Variants in TRRAP observed in about 807,000 individuals in gnomAD.
TRRAP encodes the protein transformation/transcription domain-associated protein.
TRRAP carries 41 observed loss-of-function variants against 438.8 expected under a neutral mutation model. The observed-to-expected ratio is 0.09, with a 90% confidence interval of 0.07 to 0.12. TRRAP has a LOEUF of 0.12. Among genes scored for constraint, TRRAP ranks in the 10% least tolerant of loss-of-function variants. TRRAP has a pLI of 1.00. For synonymous variants in TRRAP, 1,994 were observed against 1,962.9 expected, an observed-to-expected ratio of 1.02 and a Z score of -0.42; for missense variants, 3,122 against 5,055.1, an observed-to-expected ratio of 0.62 and a Z score of 11.60.
chr7:98,951,512 TAGAG>T (rs782549014), intron 39 of TRRAP, among the ~76,000 whole-genome samples: 1 of 152,178 alleles, frequency 6.6e-6, no homozygotes, highest in Admixed American at 6.5e-5. Flanking sequence ...CAGTTTGTGT[TAGAG>T]AGGGCTTTTT....
chr7:98,945,092 A>G (rs1790988680), intron 31 of TRRAP, among the ~76,000 whole-genome samples: 1 of 152,218 alleles, frequency 6.6e-6, no homozygotes, highest in African/African-American at 2.4e-5. Flanking sequence ...GGCGTGAGTG[A>G]CAGTGGCCAG....
rs1554404639 is a variant in TRRAP at position 98,890,417 on chromosome 7, T to G, written c.233T>G (p.Val78Gly). Residue 78 changes from valine (V) to glycine (G), a missense_variant, in exon 4 of 73, where the codon GTT becomes GGT. Val to Gly is a moderately radical substitution (Grantham distance 109, BLOSUM62 -3). Around this residue, in one of 24 missense-constraint regions of TRRAP, gnomAD observed 343 missense variants for 564.0 expected, o/e 0.61. Coordinates refer to ENST00000456197, the MANE Select transcript of TRRAP (RefSeq NM_001375524.1). The part of the protein sequence containing the change: ...RFLTFLQDGE[V>G]QFLQEKPAQQ... ...CTTACATTTCTCCAAGATGGAGAAG[T>G]TCAGTTTCTTCAGGAGAAACCAGCA... is the stretch of plus-strand genomic sequence containing the variant. 1 of 1,603,346 alleles carries G rather than the reference T, an allele frequency of 6.2e-7. No homozygotes were observed. Among genetic ancestry groups the G allele is most frequent in the African/African-American group, 1.3e-5 (1 of 74,410 alleles).
At chr7:98,986,645 G>C (rs1793162442) in intron 62 of TRRAP, among the ~76,000 whole-genome samples, 1 of 152,160 alleles carries the variant, frequency 6.6e-6, no homozygotes, top group Admixed American at 6.5e-5. Flanking sequence ...GTCACGTTCT[G>C]TGGGCTGTCT....
intron 7 of TRRAP, among the ~76,000 whole-genome samples, chr7:98,897,480 A>G (rs77979202): frequency 0.015 from 2,237 of 152,288 alleles, 52 homozygotes; most frequent in African/African-American, 0.051. Flanking sequence ...AAGATGGAGA[A>G]CATGGTCCCT....
chr7:98,887,969 C>T (rs560464923), intron 3 of TRRAP, among the ~76,000 whole-genome samples: 2 of 152,136 alleles, frequency 1.3e-5, no homozygotes, highest in East Asian at 1.9e-4. Context: ...CGGTGGCTCC[C>T]GCCTGTAATC....
chr7:98,879,864 C>T (rs958234028), intron 1 of TRRAP, among the ~76,000 whole-genome samples: 1 of 152,216 alleles, frequency 6.6e-6, no homozygotes, highest in African/African-American at 2.4e-5. Flanking sequence ...GCAGTGTATC[C>T]GGTAGGCCTG....
chr7:98,947,842 A>C (rs782575773), intron 33 of TRRAP, among the ~76,000 whole-genome samples: 62 of 152,336 alleles, frequency 4.1e-4, no homozygotes, highest in Non-Finnish European at 7.5e-4. Context: ...AAAGTAGGGC[A>C]TCCTCACACT....
intron 59 of TRRAP, among the ~76,000 whole-genome samples, chr7:98,982,275 C>T (rs1314517538): frequency 1.3e-5 from 2 of 152,130 alleles, no homozygotes; most frequent in Non-Finnish European, 2.9e-5. Context: ...TTTCAGCAAG[C>T]TTTTGGCGGG....
chr7:98,983,187 CA>C (rs1400030996), intron 59 of TRRAP, 76 bp from the exon 60 acceptor site: 3 of 1,343,336 alleles, frequency 2.2e-6, no homozygotes, highest in Non-Finnish European at 3.0e-6. Context: ...ATCATGTCCC[CA>C]ATGGACTCTG....
chr7:98,983,507 G>GC (rs1562970998), intron 60 of TRRAP, 48 bp downstream of exon 60: 1 of 1,602,412 alleles, frequency 6.2e-7, no homozygotes, highest in South Asian at 1.1e-5. Context: ...TTTTCCAGAC[G>GC]CCCCACGGTT....
At chr7:98,909,364 C>G (rs1414587480) in intron 14 of TRRAP, among the ~76,000 whole-genome samples, 3 of 152,156 alleles carry the variant, frequency 2.0e-5, no homozygotes, top group Admixed American at 2.0e-4. Flanking sequence ...GCGGCTTGAT[C>G]GCTAGGCTTG....
At position 98,976,094 on chromosome 7, in the gene TRRAP, G is replaced by A; in HGVS notation, c.7840-55G>A. 6.2e-7 allele frequency: 1 copy of A among 1,604,466 alleles called. No homozygotes were observed. The highest frequency in any genetic ancestry group is 8.5e-7 in the Non-Finnish European group (1 of 1,174,890). ...TCATGGGTGTCTTCTGAGCGTGGTT[G>A]TGCGAGGCACCCCCAGCCCGTGGCC... On this transcript the variant is annotated intron_variant, in intron 53 of 72. Transcript: ENST00000456197. This position sits in a 1 kb window ranked among gnomAD's most constrained non-coding sequence, Gnocchi z 4.6.
chr7:98,888,087 G>A (rs947922602), intron 3 of TRRAP, among the ~76,000 whole-genome samples: 17 of 151,990 alleles, frequency 1.1e-4, no homozygotes, highest in Admixed American at 3.3e-4. Context: ...AAAATTAGCC[G>A]GGCCTGGTGG....
chr7:98,917,779 G>A, intron 20 of TRRAP, 100 bp downstream of exon 20: 2 of 1,435,258 alleles, frequency 1.4e-6, no homozygotes, highest in South Asian at 1.4e-5. Context: ...AGATGGACCA[G>A]TGCAGCTCTC....
intron 70 of TRRAP, among the ~76,000 whole-genome samples, chr7:99,009,275 T>C (rs1794327670): frequency 6.6e-6 from 1 of 152,092 alleles, no homozygotes; most frequent in Admixed American, 6.5e-5. Flanking sequence ...CGTGGTCCTT[T>C]CTATGGGTCC....
chr7:98,991,393 A>T (rs531310761), intron 64 of TRRAP, among the ~76,000 whole-genome samples: 3 of 152,282 alleles, frequency 2.0e-5, no homozygotes, highest in East Asian at 3.9e-4. Context: ...CACCTGTGCT[A>T]TGTGGGCCCT....
At chr7:98,902,278 G>A (rs1486477963) in intron 11 of TRRAP, among the ~76,000 whole-genome samples, 3 of 152,114 alleles carry the variant, frequency 2.0e-5, no homozygotes, top group Non-Finnish European at 4.4e-5. Flanking sequence ...GTGGATTTTT[G>A]TTTCATTTTT....
intron 70 of TRRAP, among the ~76,000 whole-genome samples, chr7:99,009,669 G>T (rs183688497): frequency 1.3e-5 from 2 of 152,144 alleles, no homozygotes; most frequent in Non-Finnish European, 1.5e-5. Context: ...ATTAACTTTC[G>T]ACAGCGTGGA....
At chr7:98,945,593 C>T (rs1554416592) in intron 31 of TRRAP, among the ~76,000 whole-genome samples, 154 bp from the exon 32 acceptor site, 1 of 152,158 alleles carries the variant, frequency 6.6e-6, no homozygotes, top group African/African-American at 2.4e-5. Flanking sequence ...GTGCTTTTTG[C>T]TGTTGAGCAT....
Sources: allele counts gnomAD v4.1 joint callset (sites outside exome capture counted in the v4.1 genomes callset), GRCh38; gene constraint gnomAD v4.1.1; regional missense constraint gnomAD v4.1.1; non-coding constraint Gnocchi (gnomAD v3.1); transcripts MANE v1.5; gene names NCBI Gene and HGNC (gene_info 2026-07-23, HGNC 2026-07-21).